Variants in AGBL4 observed in about 807,000 individuals in gnomAD.
AGBL4 encodes the protein AGBL carboxypeptidase 4, also known as cytosolic carboxypeptidase 6.
AGBL4 carries 58 observed loss-of-function variants against 66.4 expected under a neutral mutation model. The ratio of observed to expected loss-of-function variants is 0.87; its 90% CI spans 0.71 to 1.09. The LOEUF is 1.09. Among genes scored for constraint, AGBL4 ranks in the 50% least tolerant of loss-of-function variants. AGBL4 has a pLI of 0.00. For missense variants in AGBL4, 579 were observed against 631.0 expected (o/e 0.92, Z 0.88); for synonymous variants, 234 against 222.9 (o/e 1.05, Z -0.44).
At chr1:48,931,665 G>T (rs894367099) in intron 5 of AGBL4, among the ~76,000 whole-genome samples, 1 of 152,066 alleles carries the variant, frequency 6.6e-6, no homozygotes, top group Non-Finnish European at 1.5e-5. Flanking sequence ...AACTAAAGGC[G>T]TGTGCCACCA....
chr1:48,813,623 A>G (rs1229928201), intron 6 of AGBL4, among the ~76,000 whole-genome samples: 2 of 152,152 alleles, frequency 1.3e-5, no homozygotes, highest in Non-Finnish European at 2.9e-5. Context: ...TCTCTGCACT[A>G]GGGTTTGAGC....
At chr1:49,943,900 G>A (rs1290367149) in intron 1 of AGBL4, among the ~76,000 whole-genome samples, 5 of 152,044 alleles carry the variant, frequency 3.3e-5, no homozygotes, top group Admixed American at 2.6e-4. Flanking sequence ...GTTCTCGGCT[G>A]TGCTCACCCA....
At chr1:49,197,122 C>CA (rs1453184886) in intron 4 of AGBL4, among the ~76,000 whole-genome samples, 5 of 152,202 alleles carry the variant, frequency 3.3e-5, no homozygotes, top group Non-Finnish European at 2.9e-5. Flanking sequence ...AGCCACTGTG[C>CA]CTGGCCCGAT....
intron 1 of AGBL4, among the ~76,000 whole-genome samples, chr1:49,882,027 C>G (rs1013035020): frequency 3.9e-5 from 6 of 152,002 alleles, no homozygotes; most frequent in South Asian, 2.1e-4. Context: ...TTAGGTCTAA[C>G]GTTTAAGTCT....
intron 3 of AGBL4, among the ~76,000 whole-genome samples, chr1:49,657,778 A>T (rs1016268988): frequency 1.3e-5 from 2 of 152,182 alleles, no homozygotes; most frequent in Non-Finnish European, 2.9e-5. Context: ...TATTTAATAA[A>T]TGGTGCTGGG....
chr1:49,271,776 G>GA (rs35450436), intron 3 of AGBL4, among the ~76,000 whole-genome samples: 18,294 of 152,082 alleles, frequency 0.12, 1,253 homozygotes, highest in East Asian at 0.31. Flanking sequence ...CAATGACTCA[G>GA]CGTCTTAATG....
At chr1:48,716,858 C>T (rs189557717) in intron 6 of AGBL4, among the ~76,000 whole-genome samples, 196 of 152,250 alleles carry the variant, frequency 1.3e-3, no homozygotes, top group Non-Finnish European at 2.0e-3. Flanking sequence ...TGGAACTGTC[C>T]CTGCCTTCAA....
chr1:49,460,168 AT>A (rs1051016355), intron 3 of AGBL4, among the ~76,000 whole-genome samples: 3 of 151,600 alleles, frequency 2.0e-5, no homozygotes, highest in Non-Finnish European at 4.4e-5. Context: ...GATGACCTAT[AT>A]AGTGCTGTCA....
chr1:49,962,759 A>G (rs1164386665), intron 1 of AGBL4, among the ~76,000 whole-genome samples: 1 of 152,128 alleles, frequency 6.6e-6, no homozygotes, highest in Non-Finnish European at 1.5e-5. Flanking sequence ...TTACTTGACA[A>G]TGATTACATG....
At chr1:49,962,770 A>C (rs188276947) in intron 1 of AGBL4, among the ~76,000 whole-genome samples, 1 of 152,270 alleles carries the variant, frequency 6.6e-6, no homozygotes, top group East Asian at 1.9e-4. Flanking sequence ...TGATTACATG[A>C]ATATTTGTGA....
chr1:49,267,661 C>T (rs554268350), intron 3 of AGBL4, among the ~76,000 whole-genome samples: 6 of 151,450 alleles, frequency 4.0e-5, no homozygotes, highest in Non-Finnish European at 7.4e-5. Context: ...GCCTGGGCAA[C>T]GGAGCGAGAC....
chr1:48,718,796 G>C (rs575123403), intron 6 of AGBL4, among the ~76,000 whole-genome samples: 1 of 152,266 alleles, frequency 6.6e-6, no homozygotes, highest in South Asian at 2.1e-4. Flanking sequence ...GAGGCTCATA[G>C]GAAGGAAGTG....
chr1:48,606,485 A>G (rs1229425219), intron 9 of AGBL4, among the ~76,000 whole-genome samples: 1 of 152,226 alleles, frequency 6.6e-6, no homozygotes, highest in Non-Finnish European at 1.5e-5. Flanking sequence ...TCTGGAATTC[A>G]GGAAAAACAT....
chr1:49,855,815 C>T (rs935080376), intron 1 of AGBL4, among the ~76,000 whole-genome samples: 1 of 151,918 alleles, frequency 6.6e-6, no homozygotes, highest in African/African-American at 2.4e-5. Flanking sequence ...AAGATTTTAA[C>T]AATGTAATGC....
intron 6 of AGBL4, among the ~76,000 whole-genome samples, chr1:48,735,198 A>G (rs1212243534): frequency 2.0e-5 from 3 of 151,808 alleles, no homozygotes; most frequent in Non-Finnish European, 4.4e-5. Flanking sequence ...ATTAGCAACT[A>G]CTTTATTCTC....
intron 2 of AGBL4, among the ~76,000 whole-genome samples, chr1:49,767,101 C>G (rs1185177501): frequency 6.6e-6 from 1 of 152,090 alleles, no homozygotes; most frequent in Non-Finnish European, 1.5e-5. Context: ...ACTTCACCAA[C>G]TGGACATAGT....
chr1:48,642,683 T>A (rs757671817), intron 8 of AGBL4, among the ~76,000 whole-genome samples: 1 of 152,112 alleles, frequency 6.6e-6, no homozygotes. Flanking sequence ...ATAAGAACAA[T>A]GATAAGGAGT....
intron 5 of AGBL4, among the ~76,000 whole-genome samples, chr1:48,945,833 G>A (rs558529065): frequency 6.6e-6 from 1 of 152,130 alleles, no homozygotes; most frequent in Non-Finnish European, 1.5e-5. Context: ...CCATTAATTA[G>A]CTGTGTGATC....
At chr1:49,650,859 T>G (rs1229994211) in intron 3 of AGBL4, among the ~76,000 whole-genome samples, 1 of 152,172 alleles carries the variant, frequency 6.6e-6, no homozygotes, top group Non-Finnish European at 1.5e-5. Context: ...TATTCACTAT[T>G]GTGGATGTAG....
Sources: gnomAD v4.1 joint callset for allele counts (sites outside exome capture counted in the v4.1 genomes callset) on GRCh38, gnomAD v4.1.1 for gene constraint, MANE v1.5 for transcripts, NCBI Gene and HGNC (gene_info 2026-07-23, HGNC 2026-07-21) for gene names.